Variants in OSBPL10 observed in about 807,000 individuals in gnomAD.
OSBPL10 encodes oxysterol-binding protein-related protein 10.
OSBPL10 carries 49 observed loss-of-function variants against 81.7 expected under a neutral mutation model. The observed-to-expected ratio is 0.60, with a 90% CI of 0.48 to 0.76. OSBPL10 has a LOEUF of 0.76. Among genes scored for constraint, OSBPL10 ranks in the 30% least tolerant of loss-of-function variants. The pLI is 0.00. For missense variants in OSBPL10, 923 were observed against 987.8 expected (o/e 0.93, Z 0.88); for synonymous variants, 419 against 383.6 (o/e 1.09, Z -1.08).
intron 4 of OSBPL10, among the ~76,000 whole-genome samples, chr3:31,765,798 G>A (rs1400554859): frequency 3.3e-5 from 5 of 152,094 alleles, no homozygotes; most frequent in Admixed American, 3.3e-4. Context: ...AGGGGACAAG[G>A]TTTCATATTT....
chr3:31,717,941 G>T (rs1486903359), intron 6 of OSBPL10, among the ~76,000 whole-genome samples: 1 of 152,136 alleles, frequency 6.6e-6, no homozygotes, highest in East Asian at 1.9e-4. Flanking sequence ...TCATCCTGGG[G>T]TAATGCAAAC....
At chr3:31,770,474 C>A (rs11929165) in intron 4 of OSBPL10, among the ~76,000 whole-genome samples, 1 of 152,104 alleles carries the variant, frequency 6.6e-6, no homozygotes, top group Admixed American at 6.5e-5. Context: ...TGTTTACTAT[C>A]AGCTAAAATG....
chr3:31,837,334 T>C (rs1273591119), intron 3 of OSBPL10, among the ~76,000 whole-genome samples: 3 of 20,758 alleles, frequency 1.4e-4, no homozygotes, highest in Non-Finnish European at 1.8e-4. Context: ...TATATATATA[T>C]ATATATATAT....
intron 6 of OSBPL10, among the ~76,000 whole-genome samples, chr3:31,719,960 T>C: frequency 6.6e-6 from 1 of 151,408 alleles, no homozygotes; most frequent in East Asian, 1.9e-4. Flanking sequence ...GGAAGATACC[T>C]AAGATATATT....
rs897302115 is a variant in OSBPL10, at chr3:31,830,532, T to C, written c.538-301A>G. ...CCGACCCACACACCATGGACGCTCATGGAGCTCTGCCTCTCTACCTATTAT... is the reference window on the plus strand; with the variant it reads ...CCGACCCACACACCATGGACGCTCACGGAGCTCTGCCTCTCTACCTATTAT... On this transcript the variant is annotated intron_variant, in intron 3 of 11. Coordinates refer to ENST00000396556, the MANE Select transcript of OSBPL10 (RefSeq NM_017784.5). Among the ~76,000 whole-genome samples, 4 of 152,260 alleles carry C rather than the reference T, an allele frequency of 2.6e-5. No homozygotes were observed. The South Asian group carries it at 6.2e-4, about 24-fold the overall frequency.
intron 7 of OSBPL10, 152 bp from the exon 8 acceptor site, chr3:31,684,266 AG>A: frequency 9.7e-7 from 1 of 1,031,188 alleles, no homozygotes; most frequent in Non-Finnish European, 1.4e-6. Context: ...TGACAAACCA[AG>A]GGAAACAATA....
intron 2 of OSBPL10, chr3:32,030,533 A>G: frequency 2.7e-6 from 2 of 749,662 alleles, no homozygotes; most frequent in South Asian, 2.8e-5. Flanking sequence ...AAGGAAAATG[A>G]TCAGAAAAAG....
chr3:31,766,181 C>T (rs1398753533), intron 4 of OSBPL10, among the ~76,000 whole-genome samples: 1 of 152,102 alleles, frequency 6.6e-6, no homozygotes, highest in Non-Finnish European at 1.5e-5. Flanking sequence ...CTCTGGGTCA[C>T]ATGCCTGCCT....
rs576677095 is a variant in OSBPL10, at chr3:31,737,844, T to G, written c.941-4433A>C. Among the ~76,000 whole-genome samples the G allele has an allele frequency of 2.9e-3, 438 of 151,846 alleles. 2 individuals are homozygous for G. Among genetic ancestry groups the G allele is most frequent in the African/African-American group, 0.01 (418 of 41,408 alleles). On this transcript the variant is annotated intron_variant, in intron 5 of 11. Transcript: ENST00000396556. ...CCGACTCTACTAAAAATACAAAAAG[T>G]AGCCAGGCATGGTGGCACGCACCTG...
Position 32,034,752 on chromosome 3 carries a change from T to C in OSBPL10, n.298+11739A>G, listed in dbSNP as rs114560624. The stretch of plus-strand genomic sequence containing the variant: ...ATTGTATCAGCCAATATGTAACAAT[T>C]TCATGGTCACTTTGCAAAGTCAGTA... On this transcript the variant is annotated intron_variant and non_coding_transcript_variant, in intron 2 of 3. Transcript: ENST00000479173. Among the ~76,000 whole-genome samples the C allele has an allele frequency of 2.3e-3, 352 of 152,338 alleles. 5 individuals carry two copies. The highest frequency in any genetic ancestry group is 7.8e-3 in the African/African-American group (323 of 41,572).
intron 1 of OSBPL10, among the ~76,000 whole-genome samples, chr3:31,891,753 C>T (rs768836775): frequency 2.0e-5 from 3 of 152,120 alleles, no homozygotes; most frequent in Non-Finnish European, 2.9e-5. Flanking sequence ...GTCAACTGTA[C>T]ATAGGTTCTG....
chr3:31,881,182 C>T (rs940723093), intron 1 of OSBPL10, among the ~76,000 whole-genome samples: 4 of 152,148 alleles, frequency 2.6e-5, no homozygotes, highest in African/African-American at 7.2e-5. Context: ...GACTGGTTTC[C>T]CCACTAGACT....
intron 1 of OSBPL10, among the ~76,000 whole-genome samples, chr3:31,901,495 T>C (rs1442655001): frequency 6.6e-6 from 1 of 152,216 alleles, no homozygotes; most frequent in Non-Finnish European, 1.5e-5. Context: ...TGGCTACTTC[T>C]TACTTGTGCT....
At chr3:31,820,372 G>A (rs1699952288) in intron 4 of OSBPL10, among the ~76,000 whole-genome samples, 1 of 152,120 alleles carries the variant, frequency 6.6e-6, no homozygotes. Context: ...TGAGGCGGGT[G>A]GCTCATGAGG....
At chr3:31,967,371 T>C (rs1355875261) in intron 1 of OSBPL10, among the ~76,000 whole-genome samples, 2 of 152,064 alleles carry the variant, frequency 1.3e-5, no homozygotes, top group Non-Finnish European at 2.9e-5. Context: ...CCCCAGCCAC[T>C]TGGGAGGCTG....
At chr3:31,831,938 C>T (rs1700253073) in intron 3 of OSBPL10, among the ~76,000 whole-genome samples, 1 of 152,216 alleles carries the variant, frequency 6.6e-6, no homozygotes, top group African/African-American at 2.4e-5. Context: ...GTCACCGCAG[C>T]ACTATGCCTG....
intron 3 of OSBPL10, among the ~76,000 whole-genome samples, chr3:31,835,608 C>T (rs1700343988): frequency 6.6e-6 from 1 of 152,004 alleles, no homozygotes; most frequent in African/African-American, 2.4e-5. Context: ...CCTTGAATTC[C>T]TTCACAGCAA....
intron 1 of OSBPL10, among the ~76,000 whole-genome samples, chr3:31,934,680 T>C: frequency 7.3e-6 from 1 of 137,346 alleles, no homozygotes; most frequent in East Asian, 2.0e-4. Flanking sequence ...AGAAAATTCA[T>C]TTTTATAGAA....
intron 1 of OSBPL10, among the ~76,000 whole-genome samples, chr3:31,914,607 C>T (rs1237503922): frequency 3.3e-5 from 5 of 151,982 alleles, no homozygotes; most frequent in Non-Finnish European, 5.9e-5. Context: ...TATTTGAGCC[C>T]GAGACTCTGG....
Sources: gnomAD v4.1 joint callset for allele counts (sites outside exome capture counted in the v4.1 genomes callset) on GRCh38, gnomAD v4.1.1 for gene constraint, MANE v1.5 for transcripts, NCBI Gene and HGNC (gene_info 2026-07-23, HGNC 2026-07-21) for gene names.